Variants in FAM193B observed in about 807,000 individuals in gnomAD.
FAM193B encodes family with sequence similarity 193 member B.
In FAM193B, 27 loss-of-function variants were observed where a neutral mutation model predicts 70.7. The observed-to-expected ratio is 0.38, with a 90% CI of 0.28 to 0.53. The LOEUF is 0.53. Among genes scored for constraint, FAM193B ranks in the 20% least tolerant of loss-of-function variants. The pLI is 0.81. For missense variants in FAM193B, 1,022 were observed against 1,072.5 expected (o/e 0.95, Z 0.66); for synonymous variants, 448 against 436.0 (o/e 1.03, Z -0.34).
chr5:177,550,817 C>G (rs1365283950), intron 1 of FAM193B, among the ~76,000 whole-genome samples: 1 of 152,282 alleles, frequency 6.6e-6, no homozygotes, highest in East Asian at 1.9e-4. Context: ...TAGGTTGCTT[C>G]TCTTGTGAAG....
At chr5:177,554,076 G>A (rs1766703364) in intron 1 of FAM193B, 173 bp downstream of exon 1, 2 of 1,374,512 alleles carry the variant, frequency 1.5e-6, no homozygotes, top group Non-Finnish European at 9.4e-7. Context: ...TTTGGGGAGA[G>A]GGGTCCAGCC....
chr5:177,551,737 C>T (rs969850484), intron 1 of FAM193B, among the ~76,000 whole-genome samples: 4 of 152,210 alleles, frequency 2.6e-5, no homozygotes, highest in Non-Finnish European at 5.9e-5. Context: ...TCTTATTTGC[C>T]ACCTTTGGAT....
At chr5:177,539,172 T>G in intron 1 of FAM193B, 25 bp from the exon 2 acceptor site, 1 of 1,526,372 alleles carries the variant, frequency 6.6e-7, no homozygotes, top group Non-Finnish European at 8.8e-7. Flanking sequence ...GAAACAGGGT[T>G]TCCCAGGAGG....
intron 5 of FAM193B, chr5:177,531,536 G>GGT: frequency 5.7e-6 from 6 of 1,047,040 alleles, no homozygotes; most frequent in Non-Finnish European, 7.9e-6. Flanking sequence ...GGGTGGGGGG[G>GGT]AGGTGCTGAC....
chr5:177,521,201 A>T (rs1443840059), intron 8 of FAM193B, among the ~76,000 whole-genome samples: 2 of 152,240 alleles, frequency 1.3e-5, no homozygotes, highest in African/African-American at 4.8e-5. Flanking sequence ...ATGAAACTGC[A>T]GAGCCACTCA....
chr5:177,549,235 C>G (rs1024393048), intron 1 of FAM193B, among the ~76,000 whole-genome samples: 3 of 144,606 alleles, frequency 2.1e-5, no homozygotes, highest in African/African-American at 7.7e-5. Context: ...CTCTGTCGCC[C>G]AGGCTGGAGT....
chr5:177,532,739 GCC>G lies in FAM193B; in HGVS notation c.1077-100_1077-99del. The G allele has an allele frequency of 8.4e-7, 1 of 1,193,308 alleles. No individual in the cohort carries two copies. Among genetic ancestry groups the G allele is most frequent in the Non-Finnish European group, 1.1e-6 (1 of 891,392 alleles). 73.9% of individuals were successfully genotyped at this position (1,193,308 alleles called of 1,614,324 possible). A position where few individuals can be genotyped will look rare whatever the true frequency, so the allele number is the denominator to read the frequency against. The stretch of plus-strand genomic sequence containing the variant: ...CTGCCATCCTGACCGCCCTTCACTT[GCC>G]CCACTCCACAGAGGTCCCAGGTGGT... On this transcript the variant is annotated intron_variant, in intron 4 of 8. Transcript: ENST00000514747. This position sits in a 1 kb window ranked among gnomAD's most constrained non-coding sequence, Gnocchi z 4.9.
At chr5:177,554,130 G>A (rs1395504849) in intron 1 of FAM193B, 119 bp downstream of exon 1, 2 of 1,421,698 alleles carry the variant, frequency 1.4e-6, no homozygotes, top group Admixed American at 2.4e-5. Context: ...CCGGACCCGG[G>A]GGAAGGCTGC....
Position 177,538,577 on chromosome 5 carries a change from T to G in FAM193B, c.453+328A>C, listed in dbSNP as rs1764464368. Reference sequence around the variant, plus strand: ...TAGGGCACATTTCAGACCCTCAAACTCATCTCTGTCTCCCATGTCATACTG... The same window carrying G: ...TAGGGCACATTTCAGACCCTCAAACGCATCTCTGTCTCCCATGTCATACTG... On this transcript the variant is annotated intron_variant, in intron 2 of 8. Transcript: ENST00000514747. The surrounding 1 kb of genome is among the most constrained non-coding windows in gnomAD (Gnocchi z 4.1). 6.6e-6 allele frequency among the ~76,000 whole-genome samples: 1 copy of G among 152,172 alleles called. No individual in the cohort carries two copies. The highest frequency in any genetic ancestry group is 1.5e-5 in the Non-Finnish European group (1 of 68,028).
chr5:177,532,809 C>G lies in FAM193B; in HGVS notation c.1077-168G>C, dbSNP rs1023848304. Among the ~76,000 whole-genome samples the G allele has an allele frequency of 1.3e-5, 2 of 152,256 alleles. No individual in the cohort carries two copies. The highest frequency in any genetic ancestry group is 4.8e-5 in the African/African-American group (2 of 41,468). ...CTCACCTGAACAGGGCGAACACCTGCACTGTCCCTCAAGGCCCATCCCAAA... is the reference window on the plus strand; with the variant it reads ...CTCACCTGAACAGGGCGAACACCTGGACTGTCCCTCAAGGCCCATCCCAAA... On this transcript the variant is annotated intron_variant, in intron 4 of 8. Coordinates refer to ENST00000514747, the MANE Select transcript of FAM193B (RefSeq NM_001190946.3). The surrounding 1 kb of genome is among the most constrained non-coding windows in gnomAD (Gnocchi z 4.9).
At chr5:177,537,570 G>A (rs1309115073) in intron 3 of FAM193B, among the ~76,000 whole-genome samples, 2 of 152,222 alleles carry the variant, frequency 1.3e-5, no homozygotes, top group African/African-American at 4.8e-5. Context: ...TAAGTCCTAT[G>A]ACTCCACTTT....
At chr5:177,537,745 C>G (rs1764341208) in intron 3 of FAM193B, 128 bp downstream of exon 3, 2 of 1,331,922 alleles carry the variant, frequency 1.5e-6, no homozygotes, top group Non-Finnish European at 2.0e-6. Context: ...GCCCCTGCTT[C>G]CACCAGAACA....
intron 5 of FAM193B, among the ~76,000 whole-genome samples, chr5:177,529,863 C>T (rs369638414): frequency 3.9e-5 from 6 of 152,306 alleles, no homozygotes; most frequent in African/African-American, 1.4e-4. Context: ...TAGGTGACTG[C>T]ATGGGAGAAA....
chr5:177,537,370 G>T (rs769459423), intron 3 of FAM193B, among the ~76,000 whole-genome samples: 2 of 152,234 alleles, frequency 1.3e-5, no homozygotes, highest in African/African-American at 2.4e-5. Flanking sequence ...CTGGGTCTCT[G>T]AGAGTTATTT....
At chr5:177,536,226 C>A in intron 4 of FAM193B, 132 bp downstream of exon 4, 1 of 1,080,816 alleles carries the variant, frequency 9.3e-7, no homozygotes, top group Non-Finnish European at 1.3e-6. Flanking sequence ...ACACATACTT[C>A]TTTACAATTG....
At chr5:177,531,941 TCTC>T in intron 5 of FAM193B, 1 of 1,261,240 alleles carries the variant, frequency 7.9e-7, no homozygotes, top group South Asian at 1.3e-5. Flanking sequence ...CCAGCGGCCC[TCTC>T]CTCTTCACCT....
In FAM193B at chr5:177,530,062, C is replaced by T. The variant is rs527695040; in HGVS notation, c.1275+2381G>A. 1.1e-4 allele frequency among the ~76,000 whole-genome samples: 16 copies of T among 152,290 alleles called. No individual in the cohort carries two copies. The South Asian group carries it at 1.7e-3, about 16-fold the overall frequency. ...GCTGGTTGTTACACCCAAATCTCTT[C>T]GGATGCTGGGCTCCTAAACGTGTCA... is the stretch of plus-strand genomic sequence containing the variant. On this transcript the variant is annotated intron_variant, in intron 5 of 8. Coordinates refer to ENST00000514747, the MANE Select transcript of FAM193B (RefSeq NM_001190946.3).
chr5:177,538,886 C>T lies in FAM193B; in HGVS notation c.453+19G>A. 2 of 1,612,448 alleles carry T rather than the reference C, an allele frequency of 1.2e-6. No individual in the cohort carries two copies. The highest frequency in any genetic ancestry group is 1.7e-6 in the Non-Finnish European group (2 of 1,178,730). ...AGGAGCCCTCCTGCATTCAGGGACC[C>T]CTGTCAGCGGTTACCTACCGCCACT... is the stretch of plus-strand genomic sequence containing the variant. On this transcript the variant is annotated intron_variant, in intron 2 of 8. Coordinates refer to ENST00000514747, the MANE Select transcript of FAM193B (RefSeq NM_001190946.3). The surrounding 1 kb of genome is among the most constrained non-coding windows in gnomAD (Gnocchi z 4.1).
At chr5:177,521,215 C>T (rs894403689) in intron 8 of FAM193B, among the ~76,000 whole-genome samples, 1 of 152,198 alleles carries the variant, frequency 6.6e-6, no homozygotes, top group African/African-American at 2.4e-5. Context: ...CCACTCAGCC[C>T]CCAGCCCAAG....
Sources: gnomAD v4.1 joint callset for allele counts (sites outside exome capture counted in the v4.1 genomes callset) on GRCh38, gnomAD v4.1.1 for gene constraint, Gnocchi (gnomAD v3.1) non-coding constraint, MANE v1.5 for transcripts, NCBI Gene and HGNC (gene_info 2026-07-23, HGNC 2026-07-21) for gene names.